CALN1: variants seen among roughly 807,000 people sequenced by gnomAD.
The protein encoded by CALN1 is calneuron 1.
CALN1 carries 17 observed loss-of-function variants against 30.6 expected under a neutral mutation model. The ratio of observed to expected loss-of-function variants is 0.56; its 90% CI spans 0.38 to 0.83. The LOEUF (loss-of-function observed/expected upper bound fraction) is 0.83. Among genes scored for constraint, CALN1 ranks in the 40% least tolerant of loss-of-function variants. The pLI, the probability that CALN1 is intolerant of heterozygous loss-of-function variation, is 0.00. For missense variants in CALN1, 291 were observed against 354.9 expected, an observed-to-expected ratio of 0.82 and a Z score of 1.45; for synonymous variants, 156 against 131.4, an observed-to-expected ratio of 1.19 and a Z score of -1.28.
intron 5 of CALN1, among the ~76,000 whole-genome samples, chr7:71,947,850 G>C (rs1197717750): frequency 6.7e-6 from 1 of 150,286 alleles, no homozygotes; most frequent in Non-Finnish European, 1.5e-5. Flanking sequence ...TGAGGAAGGA[G>C]AATTACTTGA....
chr7:72,323,908 G>A (rs1801080769), intron 2 of CALN1, among the ~76,000 whole-genome samples: 1 of 151,920 alleles, frequency 6.6e-6, no homozygotes, highest in Non-Finnish European at 1.5e-5. Context: ...GCCGGGTGCT[G>A]TGGCACACGT....
At chr7:72,020,581 G>A (rs1252439687) in intron 5 of CALN1, among the ~76,000 whole-genome samples, 1 of 152,148 alleles carries the variant, frequency 6.6e-6, no homozygotes, top group Non-Finnish European at 1.5e-5. Context: ...AGCTGGGTGA[G>A]CACTAGCAGG....
intron 5 of CALN1, among the ~76,000 whole-genome samples, chr7:71,931,420 C>T (rs186461343): frequency 3.3e-4 from 51 of 152,292 alleles, no homozygotes; most frequent in African/African-American, 1.1e-3. Flanking sequence ...GCATGTGCCA[C>T]AACACCCAGT....
chr7:72,296,361 A>G (rs1399706322), intron 2 of CALN1, among the ~76,000 whole-genome samples: 6 of 138,556 alleles, frequency 4.3e-5, no homozygotes, highest in Non-Finnish European at 6.3e-5. Flanking sequence ...TTGGTATCAG[A>G]ATGATGCTGG....
chr7:71,802,012 G>A (rs111258198), intron 6 of CALN1, among the ~76,000 whole-genome samples: 55 of 151,608 alleles, frequency 3.6e-4, no homozygotes, highest in African/African-American at 1.3e-3. Flanking sequence ...TCCCTTTAAT[G>A]GCAAAACCCG....
At chr7:71,883,398 T>C (rs775681382) in intron 5 of CALN1, among the ~76,000 whole-genome samples, 9 of 152,068 alleles carry the variant, frequency 5.9e-5, no homozygotes, top group Non-Finnish European at 1.2e-4. Flanking sequence ...AAACCAAAAA[T>C]GGTGGGGGAT....
At chr7:71,975,970 T>G (rs1031578326) in intron 5 of CALN1, among the ~76,000 whole-genome samples, 1 of 150,708 alleles carries the variant, frequency 6.6e-6, no homozygotes, top group Non-Finnish European at 1.5e-5. Flanking sequence ...CCTAATAGTA[T>G]TACCAGCTAT....
At chr7:72,272,704 A>G (rs567954823) in intron 3 of CALN1, among the ~76,000 whole-genome samples, 1 of 152,318 alleles carries the variant, frequency 6.6e-6, no homozygotes, top group African/African-American at 2.4e-5. Context: ...ACAGTGGCAC[A>G]TAAGGAAGAC....
intron 2 of CALN1, among the ~76,000 whole-genome samples, chr7:72,319,200 G>A (rs552263332): frequency 2.0e-4 from 30 of 152,256 alleles, no homozygotes; most frequent in African/African-American, 3.4e-4. Flanking sequence ...GTATTATTTC[G>A]TTTTCATGCT....
the CALN1 span, among the ~76,000 whole-genome samples, chr7:72,486,147 A>G: frequency 6.6e-6 from 1 of 152,164 alleles, no homozygotes; most frequent in Non-Finnish European, 1.5e-5. Context: ...TACTGCTGGC[A>G]ACGGTAAAAC....
intron 5 of CALN1, among the ~76,000 whole-genome samples, chr7:71,841,343 C>A: frequency 6.6e-6 from 1 of 152,190 alleles, no homozygotes; most frequent in East Asian, 1.9e-4. Flanking sequence ...CAGGAAGGAG[C>A]CTGCATGACT....
chr7:72,245,536 T>C (rs548530711), intron 3 of CALN1, among the ~76,000 whole-genome samples: 6 of 152,186 alleles, frequency 3.9e-5, no homozygotes, highest in African/African-American at 9.6e-5. Flanking sequence ...TGAGAATCAC[T>C]TGACCTGGGA....
chr7:71,819,905 C>G (rs1436354214), intron 5 of CALN1, among the ~76,000 whole-genome samples: 1 of 152,098 alleles, frequency 6.6e-6, no homozygotes, highest in Admixed American at 6.6e-5. Context: ...TCGGAATGGA[C>G]CCCACTTCTC....
intron 2 of CALN1, among the ~76,000 whole-genome samples, chr7:72,401,692 A>G (rs1178977579): frequency 6.6e-6 from 1 of 152,056 alleles, no homozygotes; most frequent in African/African-American, 2.4e-5. Context: ...AAAAAATTCC[A>G]AATTCCCAAA....
rs571214603 is a variant in CALN1 at position 72,411,884 on chromosome 7, A to G, written c.-74+174T>C. Among the ~76,000 whole-genome samples the G allele has an allele frequency of 1.9e-4, 29 of 152,274 alleles. No individual in the cohort carries two copies. In the South Asian group the frequency reaches 5.6e-3, roughly 29 times the overall value. ...GGATAACCAAATAGTTGATGAAGCA[A>G]CTCTCTTTTAGAGAGGTATCATAAA... is the stretch of plus-strand genomic sequence containing the variant. On this transcript the variant is annotated intron_variant, in intron 1 of 6. Coordinates refer to ENST00000395275, the MANE Select transcript of CALN1 (RefSeq NM_031468.4).
In CALN1 at chr7:72,371,057, A is replaced by AG. The variant is rs1391717308; in HGVS notation, c.119+32193_119+32194insC. ...AGCAAAATTAAGTCTCAAAAAAAAAAAAAAAAAAAGAGAGGGCTCTTAATT... is the reference window on the plus strand; with the variant it reads ...AGCAAAATTAAGTCTCAAAAAAAAAAGAAAAAAAAAGAGAGGGCTCTTAATT... On this transcript the variant is annotated intron_variant, in intron 2 of 6. Transcript: ENST00000395275. Among the ~76,000 whole-genome samples, 5 of 151,938 alleles carry AG rather than the reference A, an allele frequency of 3.3e-5. No homozygotes were observed. The South Asian group carries it at 1.0e-3, about 32-fold the overall frequency.
chr7:72,221,312 C>CTTTTTTTTTTTTTTTTTTTTT (rs1174615183), intron 3 of CALN1, among the ~76,000 whole-genome samples: 1 of 88,968 alleles, frequency 1.1e-5, no homozygotes, highest in African/African-American at 4.2e-5. Flanking sequence ...GTCTTGGCTT[C>CTTTTTTTTTTTTTTTTTTTTT]TTTTTTTTTT....
intron 4 of CALN1, among the ~76,000 whole-genome samples, chr7:72,056,707 A>C (rs1803279721): frequency 6.6e-6 from 1 of 152,212 alleles, no homozygotes; most frequent in African/African-American, 2.4e-5. Context: ...AATCTAGGAA[A>C]ACTCTATGCA....
chr7:71,792,855 G>A (rs750130525), intron 6 of CALN1, among the ~76,000 whole-genome samples: 6 of 151,858 alleles, frequency 4.0e-5, no homozygotes, highest in Admixed American at 6.6e-5. Context: ...GCTCTTCTTC[G>A]TGAAGGTCAA....
Sources: allele counts gnomAD v4.1 joint callset (sites outside exome capture counted in the v4.1 genomes callset), GRCh38; gene constraint gnomAD v4.1.1; transcripts MANE v1.5; gene names NCBI Gene and HGNC (gene_info 2026-07-23, HGNC 2026-07-21).